Variants in CORO1B observed in about 807,000 individuals in gnomAD.
CORO1B encodes coronin-1B.
In CORO1B, 30 loss-of-function variants were observed where a neutral mutation model predicts 51.1. The observed-to-expected ratio is 0.59, with a 90% CI of 0.44 to 0.80. CORO1B has a LOEUF of 0.80. CORO1B is among the 30% of genes least tolerant of loss of function. The probability of loss-of-function intolerance (pLI) is 0.00; values close to 1 mark genes in which losing one functional copy is unlikely to be tolerated. For synonymous variants in CORO1B, 310 were observed against 289.7 expected (o/e 1.07, Z -0.71); for missense variants, 648 against 700.4 (o/e 0.93, Z 0.84).
In CORO1B at chr11:67,435,808, G is replaced by T; in HGVS notation, c.*2568C>A. On this transcript the variant is annotated 3_prime_UTR_variant, in exon 11 of 11. Transcript: ENST00000341356. Reference sequence around the variant, plus strand: ...CATCCCAGGCTGCGCTGCCAGCAAAGGCGTGCAGGTCACTCAGCAGGGCCT... The same window carrying T: ...CATCCCAGGCTGCGCTGCCAGCAAATGCGTGCAGGTCACTCAGCAGGGCCT... 6.2e-7 allele frequency: 1 copy of T among 1,600,470 alleles called. No individual in the cohort carries two copies.
At position 67,438,493 on chromosome 11, in the gene CORO1B, C is replaced by T; in HGVS notation, c.1353G>A (p.Gly451=). 1.2e-6 allele frequency: 2 copies of T among 1,608,446 alleles called. No homozygotes were observed. The highest frequency in any genetic ancestry group is 1.7e-6 in the Non-Finnish European group (2 of 1,176,820). ...SGSLARAGEA[G]KLEEVMQELR... is the part of the protein sequence containing the mutation. ...GCTCCTGCATCACCTCCTCCAGCTT[C>T]CCAGCCTCCTGTGGGGACATGAAGC... Residue 451 remains glycine, a synonymous_variant, in exon 11 of 11, where the codon GGG becomes GGA. Transcript: ENST00000341356.
chr11:67,437,298 A>G lies in CORO1B; in HGVS notation c.*1078T>C. ...TGTCGGGGGAGGGGTGCTGAGGTGC[A>G]GCCAGCCTCCCCCACCACCCCAGGC... On this transcript the variant is annotated 3_prime_UTR_variant, in exon 11 of 11. Coordinates refer to ENST00000341356, the MANE Select transcript of CORO1B (RefSeq NM_020441.3). 1 of 314,216 alleles carries G rather than the reference A, an allele frequency of 3.2e-6. No individual in the cohort carries two copies. Among genetic ancestry groups the G allele is most frequent in the East Asian group, 4.8e-5 (1 of 20,644 alleles). 19.5% of individuals were successfully genotyped at this position (314,216 alleles called of 1,614,324 possible). A position where few individuals can be genotyped will look rare whatever the true frequency, so the allele number is the denominator to read the frequency against.
intron 8 of CORO1B, 131 bp from the exon 9 acceptor site, chr11:67,439,974 C>A: frequency 1.4e-6 from 2 of 1,446,230 alleles, no homozygotes; most frequent in South Asian, 1.3e-5. Context: ...GGTGGCTAGA[C>A]CCCCACACGG....
intron 4 of CORO1B, 97 bp from the exon 5 acceptor site, chr11:67,441,611 CG>C: frequency 6.5e-7 from 1 of 1,543,802 alleles, no homozygotes; most frequent in Non-Finnish European, 8.8e-7. Flanking sequence ...CTGGGACAGA[CG>C]GGTCTCTCCA....
Position 67,438,791 on chromosome 11 carries a change from C to A in CORO1B, c.1224G>T (p.Arg408=). ...GCCGGCTGTCAGACAACACGTTGCG[C>A]CGGCTGATCTTCAGGTCCCGCTGCT... ...PSKQRDLKIS[R]RNVLSDSRPA... The change falls in exon 10 of 11, where the codon CGG becomes CGT. Residue 408 remains arginine (R), a synonymous_variant. Coordinates refer to ENST00000341356, the MANE Select transcript of CORO1B (RefSeq NM_020441.3). The A allele has an allele frequency of 6.2e-7, 1 of 1,600,858 alleles. No homozygotes were observed.
At chr11:67,439,976 C>A in intron 8 of CORO1B, 133 bp from the exon 9 acceptor site, 1 of 1,451,694 alleles carries the variant, frequency 6.9e-7, no homozygotes. Context: ...TGGCTAGACC[C>A]CCACACGGGC....
rs1319678172 is a variant in CORO1B at position 67,436,342 on chromosome 11, G to A, written c.*2034C>T. The A allele has an allele frequency of 2.2e-5, 33 of 1,469,586 alleles. No homozygotes were observed. The highest frequency in any genetic ancestry group is 2.8e-5 in the Non-Finnish European group (31 of 1,111,290). The allele number at this position is 1,469,586 out of a possible 1,614,324, so 91.0% of individuals were successfully genotyped here. A position where few individuals can be genotyped will look rare whatever the true frequency, so the allele number is the denominator to read the frequency against. ...GCAGCATCCCGAGCCCTAAGGTGCAGGGCAGAGCCTGTGGGAGACAGGCAG... is the reference window on the plus strand; with the variant it reads ...GCAGCATCCCGAGCCCTAAGGTGCAAGGCAGAGCCTGTGGGAGACAGGCAG... On this transcript the variant is annotated 3_prime_UTR_variant, in exon 11 of 11. Coordinates refer to ENST00000341356, the MANE Select transcript of CORO1B (RefSeq NM_020441.3).
chr11:67,441,162 C>T lies in CORO1B; in HGVS notation c.719G>A (p.Ser240Asn). The T allele has an allele frequency of 1.2e-6, 2 of 1,613,112 alleles. No individual in the cohort carries two copies. The highest frequency in any genetic ancestry group is 1.1e-5 in the South Asian group (1 of 91,088). The change falls in exon 6 of 11, where the codon AGC becomes AAC. Residue 240 changes from serine (S) to asparagine (N), a missense_variant. Transcript: ENST00000341356. The stretch of plus-strand genomic sequence containing the variant: ...CGCCAGCTGCCGCTCGCTCATTCGG[C>T]TGAAGCCTGTGGTGAACACCTTGCC... ...ADGKVFTTGF[S>N]RMSERQLALW...
chr11:67,437,767 AC>A lies in CORO1B; in HGVS notation c.*608del. 1.2e-6 allele frequency: 1 copy of A among 835,044 alleles called. No homozygotes were observed. The allele number at this position is 835,044 out of a possible 1,614,324, so 51.7% of individuals were successfully genotyped here. A position where few individuals can be genotyped will look rare whatever the true frequency, so the allele number is the denominator to read the frequency against. On this transcript the variant is annotated 3_prime_UTR_variant, in exon 11 of 11. Coordinates refer to ENST00000341356, the MANE Select transcript of CORO1B (RefSeq NM_020441.3). ...CCCACCTGCCCCTCCCTGCTGCAGG[AC>A]CCCTGGTCCACACCAGACCCTCCCC...
rs368221998 is a variant in CORO1B, at chr11:67,438,343, C to T, written c.*33G>A. 2.0e-5 allele frequency: 32 copies of T among 1,570,610 alleles called. No individual in the cohort carries two copies. The South Asian group carries it at 2.4e-4, about 12-fold the overall frequency. On this transcript the variant is annotated 3_prime_UTR_variant, in exon 11 of 11. Coordinates refer to ENST00000341356, the MANE Select transcript of CORO1B (RefSeq NM_020441.3). Reference sequence around the variant, plus strand: ...CAGAAGCTGAGTGGGAAGGGGGCGGCGGAGGAGATGAAGGTGGCGTGTGGC... The same window carrying T: ...CAGAAGCTGAGTGGGAAGGGGGCGGTGGAGGAGATGAAGGTGGCGTGTGGC...
chr11:67,442,341 G>A (rs1257244133), intron 2 of CORO1B, 87 bp downstream of exon 2: 4 of 1,411,974 alleles, frequency 2.8e-6, no homozygotes, highest in East Asian at 2.4e-5. Flanking sequence ...TGTGAGAAAC[G>A]GCAAGATGAG....
At chr11:67,441,945 C>G (rs1337233192) in intron 3 of CORO1B, 21 bp downstream of exon 3, 1 of 1,612,938 alleles carries the variant, frequency 6.2e-7, no homozygotes, top group Non-Finnish European at 8.5e-7. Context: ...CGACCCTGGC[C>G]CAGCCAGTCC....
intron 2 of CORO1B, 95 bp from the exon 3 acceptor site, chr11:67,442,183 A>G: frequency 6.4e-7 from 1 of 1,560,716 alleles, no homozygotes; most frequent in South Asian, 1.2e-5. Context: ...GTCCCGGCTC[A>G]CAGGTGGCCC....
intron 9 of CORO1B, 36 bp downstream of exon 9, chr11:67,439,750 A>G (rs1203827955): frequency 6.4e-7 from 1 of 1,563,242 alleles, no homozygotes; most frequent in East Asian, 2.3e-5. Flanking sequence ...CTTGCTGGAG[A>G]AAGGGCCAAG....
At position 67,438,488 on chromosome 11, in the gene CORO1B, A is replaced by G. The variant is rs1056424572; in HGVS notation, c.1358T>C (p.Leu453Pro). 20 of 1,608,588 alleles carry G rather than the reference A, an allele frequency of 1.2e-5. No individual in the cohort carries two copies. The highest frequency in any genetic ancestry group is 1.6e-5 in the Non-Finnish European group (19 of 1,177,020). ...SLARAGEAGK[L>P]EEVMQELRAL... ...CCGCAGCTCCTGCATCACCTCCTCC[A>G]GCTTCCCAGCCTCCTGTGGGGACAT... The change falls in exon 11 of 11, where the codon CTG becomes CCG. Residue 453 changes from leucine (L) to proline (P), a missense_variant. Leu to Pro is a moderately conservative substitution (Grantham distance 98). Transcript: ENST00000341356.
chr11:67,438,229 C>A lies in CORO1B; in HGVS notation c.*147G>T. 5 of 1,029,194 alleles carry A rather than the reference C, an allele frequency of 4.9e-6. No individual in the cohort carries two copies. The highest frequency in any genetic ancestry group is 5.6e-6 in the Non-Finnish European group (4 of 720,368). 63.8% of individuals were successfully genotyped at this position (1,029,194 alleles called of 1,614,324 possible). A position where few individuals can be genotyped will look rare whatever the true frequency, so the allele number is the denominator to read the frequency against. ...GAGGAAAGCTGGGCGCTGGCTTCGG[C>A]CTGGGCCTGGGACGGGTGGGGGTGG... On this transcript the variant is annotated 3_prime_UTR_variant, in exon 11 of 11. Transcript: ENST00000341356.
chr11:67,442,062 C>T lies in CORO1B; in HGVS notation c.228G>A (p.Pro76=), dbSNP rs752001928. The change falls in exon 3 of 11, where the codon CCG becomes CCA. Residue 76 remains proline, a synonymous_variant. Coordinates refer to ENST00000341356, the MANE Select transcript of CORO1B (RefSeq NM_020441.3). ...SKTGRIDKAY[P]TVCGHTGPVL... ...CAGGTCCCGTGTGCCCACACACCGT[C>T]GGGTAGGCCTTGTCAATGCGGCCCG... 17 of 1,612,684 alleles carry T rather than the reference C, an allele frequency of 1.1e-5. No homozygotes were observed. The highest frequency in any genetic ancestry group is 5.5e-5 in the South Asian group (5 of 91,060).
At chr11:67,443,640 C>G (rs370173002), upstream of CORO1B, 8,689 of 835,628 alleles carry the variant, frequency 0.01, 71 homozygotes, top group Middle Eastern at 0.038. Context: ...GAGCCCCTTT[C>G]CTAGGACCCG....
Position 67,435,820 on chromosome 11 carries a change from ACTCAGCAGGGC to A in CORO1B, c.*2545_*2555del, listed in dbSNP as rs1000306398. On this transcript the variant is annotated 3_prime_UTR_variant, in exon 11 of 11. Transcript: ENST00000341356. Reference sequence around the variant, plus strand: ...CGCTGCCAGCAAAGGCGTGCAGGTCACTCAGCAGGGCCTCAGCACTGCCCCCTGCGCTCGCT... The same window carrying A: ...CGCTGCCAGCAAAGGCGTGCAGGTCACTCAGCACTGCCCCCTGCGCTCGCT... 1.2e-6 allele frequency: 2 copies of A among 1,604,368 alleles called. No homozygotes were observed. The highest frequency in any genetic ancestry group is 1.1e-5 in the South Asian group (1 of 90,824).
Sources: gnomAD v4.1 joint callset for allele counts on GRCh38, gnomAD v4.1.1 for gene constraint, MANE v1.5 for transcripts, NCBI Gene and HGNC (gene_info 2026-07-23, HGNC 2026-07-21) for gene names.